ADGRF5: variants seen among roughly 807,000 people sequenced by gnomAD.
The protein encoded by ADGRF5 is G-protein coupled receptor 116.
ADGRF5 carries 75 observed loss-of-function variants against 132.3 expected under a neutral mutation model. That is an observed-to-expected ratio of 0.57 (90% CI 0.47 to 0.69). ADGRF5 has a LOEUF of 0.69. ADGRF5 is among the 30% of genes least tolerant of loss of function. ADGRF5 has a pLI of 0.00. For missense variants in ADGRF5, 1,516 were observed against 1,630.6 expected, an observed-to-expected ratio of 0.93 and a Z score of 1.21; for synonymous variants, 629 against 597.6, an observed-to-expected ratio of 1.05 and a Z score of -0.77.
chr6:46,881,985 C>T, intron 7 of ADGRF5, 64 bp downstream of exon 7: 1 of 1,186,574 alleles, frequency 8.4e-7, no homozygotes, highest in Admixed American at 1.7e-5. Context: ...AGGGGGTTTA[C>T]CTCCTTCACT....
At chr6:46,895,067 C>T (rs1405851303) in intron 3 of ADGRF5, among the ~76,000 whole-genome samples, 1 of 151,970 alleles carries the variant, frequency 6.6e-6, no homozygotes, top group Non-Finnish European at 1.5e-5. Context: ...ATTCCAGCTA[C>T]TTGGGAGGCT....
At chr6:46,862,847 T>C in intron 15 of ADGRF5, 41 bp downstream of exon 15, 1 of 1,316,392 alleles carries the variant, frequency 7.6e-7, no homozygotes, top group Non-Finnish European at 1.1e-6. Context: ...GCCAGATAGA[T>C]CGCCCCACCA....
chr6:46,933,052 A>G (rs1224306511), intron 1 of ADGRF5, among the ~76,000 whole-genome samples: 1 of 152,188 alleles, frequency 6.6e-6, no homozygotes, highest in Non-Finnish European at 1.5e-5. Context: ...AGTGATGGGA[A>G]TGGAAAACGA....
intron 12 of ADGRF5, among the ~76,000 whole-genome samples, chr6:46,867,898 T>C (rs1770624974): frequency 6.6e-6 from 1 of 152,166 alleles, no homozygotes; most frequent in South Asian, 2.1e-4. Flanking sequence ...GTTTAATAGA[T>C]TAATGTGACT....
At chr6:46,947,537 A>G (rs1778343875) in intron 1 of ADGRF5, among the ~76,000 whole-genome samples, 1 of 152,148 alleles carries the variant, frequency 6.6e-6, no homozygotes, top group Admixed American at 6.5e-5. Context: ...GGCAGCGTGA[A>G]TTTTCTGTAA....
chr6:46,874,334 T>C (rs1164549254), intron 10 of ADGRF5, among the ~76,000 whole-genome samples: 3 of 152,218 alleles, frequency 2.0e-5, no homozygotes, highest in African/African-American at 7.2e-5. Flanking sequence ...AATATTCTCA[T>C]TCCCTCTTCC....
rs369575219 is a variant in ADGRF5 at position 46,877,306 on chromosome 6, T to TCTCCTTCCTTCCTTCC, written c.1240+895_1240+896insGGAAGGAAGGAAGGAG. ...TTCTTTCTTTCTCTCTCTCTCTCTC[T>TCTCCTTCCTTCCTTCC]TTCCTTCCTTCCTTCCTTCTTTCTT... On this transcript the variant is annotated intron_variant, in intron 10 of 20. Coordinates refer to ENST00000283296, the MANE Select transcript of ADGRF5 (RefSeq NM_001098518.2). 1.5e-3 allele frequency among the ~76,000 whole-genome samples: 119 copies of TCTCCTTCCTTCCTTCC among 77,144 alleles called. 1 individual carries two copies. The highest frequency in any genetic ancestry group is 3.9e-3 in the South Asian group (8 of 2,074). 50.6% of individuals were successfully genotyped at this position (77,144 alleles called of 152,430 possible). A position where few individuals can be genotyped will look rare whatever the true frequency, so the allele number is the denominator to read the frequency against.
chr6:46,867,998 T>C (rs1000594748), intron 12 of ADGRF5, among the ~76,000 whole-genome samples: 8 of 152,126 alleles, frequency 5.3e-5, no homozygotes, highest in Non-Finnish European at 1.0e-4. Flanking sequence ...GGAAGAAAAA[T>C]ACTTCCATTT....
chr6:46,865,230 C>T (rs1207039895), intron 13 of ADGRF5, 33 bp from the exon 14 acceptor site: 6 of 1,496,020 alleles, frequency 4.0e-6, no homozygotes, highest in South Asian at 1.2e-5. Flanking sequence ...AATTAAGTCA[C>T]AACATGAGTC....
At chr6:46,864,493 T>G (rs1770156952) in intron 14 of ADGRF5, among the ~76,000 whole-genome samples, 1 of 151,986 alleles carries the variant, frequency 6.6e-6, no homozygotes, top group African/African-American at 2.4e-5. Context: ...CCCACAACAT[T>G]TCTATTTAGC....
At chr6:46,928,548 C>A (rs189850151) in intron 1 of ADGRF5, among the ~76,000 whole-genome samples, 28 of 152,266 alleles carry the variant, frequency 1.8e-4, no homozygotes, top group Admixed American at 3.3e-4. Flanking sequence ...TCTTGCTGAC[C>A]TCTCTTCCCT....
In ADGRF5 at chr6:46,951,874, G is replaced by A. The variant is rs1182531955; in HGVS notation, c.-25+2860C>T. On this transcript the variant is annotated intron_variant, in intron 1 of 20. Transcript: ENST00000265417. ...AATGTTAATGTCAATGGCTGAACAT[G>A]TGGGCATAGTAATAAAATGGCTCTC... Among the ~76,000 whole-genome samples, 4 of 152,222 alleles carry A rather than the reference G, an allele frequency of 2.6e-5. No homozygotes were observed. The East Asian group carries it at 7.7e-4, about 29-fold the overall frequency.
chr6:46,867,259 C>T (rs1770558554), intron 12 of ADGRF5, 122 bp from the exon 13 acceptor site: 3 of 618,958 alleles, frequency 4.8e-6, no homozygotes, highest in East Asian at 2.8e-5. Context: ...AATACCACAA[C>T]TTCCTGGACA....
chr6:46,900,147 C>T (rs1269917363), intron 2 of ADGRF5, 64 bp from the exon 3 acceptor site: 16 of 1,154,176 alleles, frequency 1.4e-5, no homozygotes, highest in Non-Finnish European at 1.9e-5. Flanking sequence ...TGTGGCTCCC[C>T]GCTTAGATAC....
intron 2 of ADGRF5, chr6:46,903,377 A>C (rs1774976518): frequency 6.6e-6 from 1 of 152,364 alleles, no homozygotes; most frequent in African/African-American, 2.4e-5. Flanking sequence ...GAATTTCCTG[A>C]AGGCAAAGCT....
chr6:46,863,055 C>T lies in ADGRF5; in HGVS notation c.2032G>A (p.Glu678Lys). The change falls in exon 15 of 21, where the codon GAG (glutamate) becomes AAG (lysine). Residue 678 changes from glutamate (E) to lysine (K), a missense_variant. Physicochemically the swap from Glu to Lys is moderately conservative, Grantham distance 56 (BLOSUM62 1). This residue lies in a region of ADGRF5 where 945 missense variants were observed against 929.4 expected (regional missense o/e 1.02). Transcript: ENST00000283296. Reference sequence around the variant, plus strand: ...AGCTTCTGGATGACTTTCCCCGGCTCTCCGACACCTATTACGGGATCCTGG... The same window carrying T: ...AGCTTCTGGATGACTTTCCCCGGCTTTCCGACACCTATTACGGGATCCTGG... ...TCQDPVIGVGEPGKVIQKLCR... is the reference protein window; with the variant it reads ...TCQDPVIGVGKPGKVIQKLCR... The T allele has an allele frequency of 6.2e-7, 1 of 1,614,046 alleles. No homozygotes were observed. The highest frequency in any genetic ancestry group is 8.5e-7 in the Non-Finnish European group (1 of 1,179,958).
intron 1 of ADGRF5, among the ~76,000 whole-genome samples, chr6:46,933,876 A>G (rs1430130669): frequency 6.6e-6 from 1 of 152,228 alleles, no homozygotes; most frequent in East Asian, 1.9e-4. Context: ...AAACATAGCT[A>G]CATATCAACA....
intron 4 of ADGRF5, among the ~76,000 whole-genome samples, chr6:46,886,022 G>T (rs1169660895): frequency 6.6e-6 from 1 of 152,204 alleles, no homozygotes; most frequent in Non-Finnish European, 1.5e-5. Flanking sequence ...TACATATCAA[G>T]TCAGGTGTGA....
chr6:46,861,537 G>C (rs576650740), intron 15 of ADGRF5, among the ~76,000 whole-genome samples: 2 of 152,140 alleles, frequency 1.3e-5, no homozygotes, highest in Non-Finnish European at 2.9e-5. Flanking sequence ...CTCTGAATGC[G>C]TAAGTATTGG....
Sources: allele counts gnomAD v4.1 joint callset (sites outside exome capture counted in the v4.1 genomes callset), GRCh38; gene constraint gnomAD v4.1.1; regional missense constraint gnomAD v4.1.1; transcripts MANE v1.5; gene names NCBI Gene and HGNC (gene_info 2026-07-23, HGNC 2026-07-21).